Variants in SGPP2 observed in about 807,000 individuals in gnomAD.
SGPP2 encodes the protein sphingosine-1-phosphate phosphatase 2.
A neutral mutation model predicts 33.9 loss-of-function variants in SGPP2; 30 were observed. That is an observed-to-expected ratio of 0.89 (90% CI 0.66 to 1.20). The LOEUF is 1.20. Ranked by LOEUF, SGPP2 falls within the 50% of genes most tolerant of loss-of-function variation. The pLI, the probability that SGPP2 is intolerant of heterozygous loss-of-function variation, is 0.00. For synonymous variants in SGPP2, 233 were observed against 225.0 expected (o/e 1.04, Z -0.32); for missense variants, 458 against 532.1 (o/e 0.86, Z 1.37).
intron 2 of SGPP2, among the ~76,000 whole-genome samples, chr2:222,505,904 T>C (rs1249829826): frequency 7.0e-6 from 1 of 143,626 alleles, no homozygotes; most frequent in Non-Finnish European, 1.5e-5. Context: ...CACTGCACTC[T>C]AGCCTGGGCT....
In SGPP2 at chr2:222,538,363, G is replaced by A. The variant is rs555688385; in HGVS notation, c.648+13330G>A. Among the ~76,000 whole-genome samples, 3 of 152,268 alleles carry A rather than the reference G, an allele frequency of 2.0e-5. No homozygotes were observed. In the South Asian group the frequency reaches 6.2e-4, roughly 32 times the overall value. On this transcript the variant is annotated intron_variant, in intron 4 of 4. Coordinates refer to ENST00000321276, the MANE Select transcript of SGPP2 (RefSeq NM_152386.4). ...AGAAAGGGAGAGGAAGAGAGACAGA[G>A]AGAGATTTCTTGTAGAGAAATAAAA...
At chr2:222,431,992 T>C (rs1288194259) in intron 1 of SGPP2, among the ~76,000 whole-genome samples, 1 of 152,200 alleles carries the variant, frequency 6.6e-6, no homozygotes, top group Non-Finnish European at 1.5e-5. Flanking sequence ...GGTGTGATAA[T>C]ACAGCTGCAG....
At chr2:222,524,787 T>TA (rs1698732326) in intron 3 of SGPP2, among the ~76,000 whole-genome samples, 157 bp from the exon 4 acceptor site, 1 of 152,072 alleles carries the variant, frequency 6.6e-6, no homozygotes, top group Admixed American at 6.6e-5. Flanking sequence ...TCTCCCCGTT[T>TA]AAAAAAAAGT....
intron 4 of SGPP2, among the ~76,000 whole-genome samples, chr2:222,528,211 A>C (rs1178370407): frequency 4.6e-5 from 7 of 152,246 alleles, no homozygotes; most frequent in African/African-American, 1.4e-4. Flanking sequence ...CCTTACTCAC[A>C]GTAGCCTAAA....
chr2:222,464,407 G>A (rs898644726), intron 1 of SGPP2, among the ~76,000 whole-genome samples: 1 of 152,186 alleles, frequency 6.6e-6, no homozygotes, highest in Non-Finnish European at 1.5e-5. Context: ...ATAAAGGCTT[G>A]CTTCTAACCC....
chr2:222,472,357 G>A (rs1407010395), intron 1 of SGPP2, among the ~76,000 whole-genome samples: 2 of 152,016 alleles, frequency 1.3e-5, no homozygotes, highest in East Asian at 1.9e-4. Flanking sequence ...AGTGGAAGAC[G>A]AGAGTTTATT....
Position 222,480,812 on chromosome 2 carries a change from C to T in SGPP2, c.378+6086C>T, listed in dbSNP as rs73067712. Among the ~76,000 whole-genome samples, 12 of 152,046 alleles carry T rather than the reference C, an allele frequency of 7.9e-5. No individual in the cohort carries two copies. The East Asian group carries it at 1.3e-3, about 17-fold the overall frequency. ...ACCAAAGAAAAATGGTATTTCCATGCGTATATTCATTGCAGCACTATTCAC... is the reference window on the plus strand; with the variant it reads ...ACCAAAGAAAAATGGTATTTCCATGTGTATATTCATTGCAGCACTATTCAC... On this transcript the variant is annotated intron_variant, in intron 2 of 4. Coordinates refer to ENST00000321276, the MANE Select transcript of SGPP2 (RefSeq NM_152386.4).
At position 222,477,189 on chromosome 2, in the gene SGPP2, G is replaced by C. The variant is rs1559155179; in HGVS notation, c.378+2463G>C. Reference sequence around the variant, plus strand: ...TAGGTGTGTGTATATGTGTATGTGTGTATATATGTGTGTGCATAGGTGCAT... The same window carrying C: ...TAGGTGTGTGTATATGTGTATGTGTCTATATATGTGTGTGCATAGGTGCAT... On this transcript the variant is annotated intron_variant, in intron 2 of 4. Transcript: ENST00000321276. This position sits in a 1 kb window ranked among gnomAD's most constrained non-coding sequence, Gnocchi z 6.0. Among the ~76,000 whole-genome samples, 1 of 151,552 alleles carries C rather than the reference G, an allele frequency of 6.6e-6. No homozygotes were observed. The highest frequency in any genetic ancestry group is 2.4e-5 in the African/African-American group (1 of 41,202).
chr2:222,427,217 C>A (rs941187961), intron 1 of SGPP2, among the ~76,000 whole-genome samples: 1 of 152,084 alleles, frequency 6.6e-6, no homozygotes, highest in African/African-American at 2.4e-5. Context: ...GGACTAGTGA[C>A]TTTTGTGAAT....
At chr2:222,427,577 G>A (rs1164333631) in intron 1 of SGPP2, among the ~76,000 whole-genome samples, 2 of 151,988 alleles carry the variant, frequency 1.3e-5, no homozygotes, top group African/African-American at 2.4e-5. Flanking sequence ...TGTGACTGGC[G>A]ATGTTTCGTT....
In SGPP2 at chr2:222,558,690, G is replaced by A. The variant is rs1689465455; in HGVS notation, c.992G>A (p.Gly331Glu). ...TTGGGTCTGACCAAATTTGCAGTGG[G>A]AATTGTGTTGATCCTCTTGGTTCGT... ...LVLGLTKFAV[G>E]IVLILLVRQL... is the part of the protein sequence containing the mutation. The change falls in exon 5 of 5, where the codon GGA becomes GAA. Residue 331 changes from glycine (G) to glutamate (E), a missense_variant. Gly to Glu is a moderately conservative substitution (Grantham distance 98). Coordinates refer to ENST00000321276, the MANE Select transcript of SGPP2 (RefSeq NM_152386.4). The A allele has an allele frequency of 6.2e-7, 1 of 1,614,012 alleles. No homozygotes were observed. Among genetic ancestry groups the A allele is most frequent in the Non-Finnish European group, 8.5e-7 (1 of 1,180,034 alleles).
intron 1 of SGPP2, among the ~76,000 whole-genome samples, chr2:222,440,047 C>T (rs1697301154): frequency 6.6e-6 from 1 of 152,160 alleles, no homozygotes; most frequent in African/African-American, 2.4e-5. Context: ...GTTAAAAAAT[C>T]AATACTGCCT....
chr2:222,446,583 T>C (rs1316762548), intron 1 of SGPP2, among the ~76,000 whole-genome samples: 1 of 152,232 alleles, frequency 6.6e-6, no homozygotes, highest in Non-Finnish European at 1.5e-5. Flanking sequence ...TTAGCTTTGT[T>C]CCACATCAAT....
At chr2:222,485,706 G>T (rs1195957982) in intron 2 of SGPP2, among the ~76,000 whole-genome samples, 1 of 152,142 alleles carries the variant, frequency 6.6e-6, no homozygotes. Flanking sequence ...TCTTGCCTCT[G>T]CCTGCCTTCA....
intron 3 of SGPP2, among the ~76,000 whole-genome samples, 160 bp from the exon 4 acceptor site, chr2:222,524,784 G>A (rs892450143): frequency 7.2e-5 from 11 of 152,082 alleles, no homozygotes; most frequent in East Asian, 1.9e-4. Flanking sequence ...CTGTCTCCCC[G>A]TTTAAAAAAA....
At chr2:222,548,274 T>A (rs766820231) in intron 4 of SGPP2, among the ~76,000 whole-genome samples, 4 of 152,246 alleles carry the variant, frequency 2.6e-5, no homozygotes, top group Non-Finnish European at 4.4e-5. Flanking sequence ...TGTCTATGTT[T>A]TGTATAATTT....
intron 4 of SGPP2, among the ~76,000 whole-genome samples, chr2:222,532,535 T>C (rs1405911285): frequency 6.6e-6 from 1 of 152,058 alleles, no homozygotes; most frequent in Non-Finnish European, 1.5e-5. Context: ...CCAAACCAGA[T>C]CTGGCCCCAC....
Position 222,440,970 on chromosome 2 carries a change from G to A in SGPP2, c.219+16149G>A, listed in dbSNP as rs375279855. ...GCTGCATGACTCTAGCTGGTATAGT[G>A]TGAACTAAAAGAAAATAAAACCAGG... On this transcript the variant is annotated intron_variant, in intron 1 of 4. Transcript: ENST00000321276. Among the ~76,000 whole-genome samples the A allele has an allele frequency of 4.6e-5, 7 of 152,328 alleles. No homozygotes were observed. The South Asian group carries it at 1.5e-3, about 32-fold the overall frequency.
chr2:222,513,363 A>T (rs1396946836), intron 2 of SGPP2, among the ~76,000 whole-genome samples: 3 of 152,138 alleles, frequency 2.0e-5, no homozygotes, highest in Non-Finnish European at 4.4e-5. Flanking sequence ...AGCTAAGCAG[A>T]CTTTTTGCTA....
Sources: gnomAD v4.1 joint callset for allele counts (sites outside exome capture counted in the v4.1 genomes callset) on GRCh38, gnomAD v4.1.1 for gene constraint, Gnocchi (gnomAD v3.1) non-coding constraint, MANE v1.5 for transcripts, NCBI Gene and HGNC (gene_info 2026-07-23, HGNC 2026-07-21) for gene names.